The following KAZN variants were observed in gnomAD, a reference collection of about 807,000 sequenced individuals.
KAZN encodes kazrin, periplakin interacting protein, also known as kazrin.
Under a neutral mutation model 87.4 loss-of-function variants are expected in KAZN, and 40 were observed. The observed-to-expected ratio is 0.46, with a 90% CI of 0.36 to 0.60. The LOEUF (loss-of-function observed/expected upper bound fraction) is 0.60, where lower values mean the gene tolerates loss of function less well. Ranked by LOEUF, KAZN falls within the 20% of genes least tolerant of loss-of-function variation. KAZN has a pLI of 0.00. For synonymous variants in KAZN, 466 were observed against 458.3 expected, an observed-to-expected ratio of 1.02 and a Z score of -0.22; for missense variants, 898 against 1,073.9, an observed-to-expected ratio of 0.84 and a Z score of 2.29.
chr1:14,077,295 A>G (rs1468094706), intron 1 of KAZN, among the ~76,000 whole-genome samples: 2 of 152,138 alleles, frequency 1.3e-5, no homozygotes, highest in African/African-American at 4.8e-5. Context: ...CTCTCCTAAA[A>G]ATGTCTTCTG....
At chr1:14,466,968 CA>C (rs1200336536) in intron 2 of KAZN, among the ~76,000 whole-genome samples, 1 of 150,508 alleles carries the variant, frequency 6.6e-6, no homozygotes, top group African/African-American at 2.4e-5. Context: ...GACTCTGTCT[CA>C]AAAAAAAATT....
chr1:14,484,043 T>G (rs984716543), intron 2 of KAZN, among the ~76,000 whole-genome samples: 1 of 152,250 alleles, frequency 6.6e-6, no homozygotes, highest in African/African-American at 2.4e-5. Flanking sequence ...TGTACTTTCT[T>G]GGCATCTTTA....
chr1:14,357,312 G>A (rs934388476), intron 2 of KAZN, among the ~76,000 whole-genome samples: 5 of 152,166 alleles, frequency 3.3e-5, no homozygotes, highest in African/African-American at 1.2e-4. Context: ...TCAGCTTAAG[G>A]AGATTTTGGG....
At chr1:13,971,045 G>A (rs1642117947) in intron 1 of KAZN, among the ~76,000 whole-genome samples, 1 of 152,140 alleles carries the variant, frequency 6.6e-6, no homozygotes, top group Non-Finnish European at 1.5e-5. Context: ...GGTGATTTAG[G>A]CTGTGCTCAG....
intron 1 of KAZN, among the ~76,000 whole-genome samples, chr1:14,086,436 G>A (rs887849730): frequency 2.1e-4 from 32 of 152,108 alleles, no homozygotes; most frequent in Admixed American, 7.2e-4. Flanking sequence ...CCACTTATAA[G>A]TGAGACCATA....
chr1:14,572,242 C>A (rs1674915432), intron 2 of KAZN, among the ~76,000 whole-genome samples: 1 of 152,164 alleles, frequency 6.6e-6, no homozygotes, highest in East Asian at 1.9e-4. Context: ...TTGGGGGCTT[C>A]ATATTTCTTG....
rs1015542000 is a variant in KAZN, at chr1:14,727,568, T to G, written c.226+128345T>G. On this transcript the variant is annotated intron_variant, in intron 1 of 14. Coordinates refer to ENST00000376030, the MANE Select transcript of KAZN (RefSeq NM_201628.3). ...GATCTCGGCACACTGCAACCTCTGCTTCCTGGGTTCAAGCGATTCTCCTGC... is the reference window on the plus strand; with the variant it reads ...GATCTCGGCACACTGCAACCTCTGCGTCCTGGGTTCAAGCGATTCTCCTGC... 1.6e-4 allele frequency among the ~76,000 whole-genome samples: 23 copies of G among 143,642 alleles called. 1 individual carries two copies. In the East Asian group the frequency reaches 4.7e-3, roughly 30 times the overall value. 94.2% of individuals were successfully genotyped at this position (143,642 alleles called of 152,430 possible).
chr1:14,607,519 G>T (rs1314793566), intron 1 of KAZN, among the ~76,000 whole-genome samples: 1 of 152,222 alleles, frequency 6.6e-6, no homozygotes, highest in Non-Finnish European at 1.5e-5. Flanking sequence ...ATTAGGATTT[G>T]CATGTCAGAC....
intron 2 of KAZN, among the ~76,000 whole-genome samples, chr1:14,307,789 A>C (rs1655027700): frequency 6.6e-6 from 1 of 152,218 alleles, no homozygotes; most frequent in Non-Finnish European, 1.5e-5. Flanking sequence ...GTTTGATGAG[A>C]AATAGAGTGG....
intron 2 of KAZN, among the ~76,000 whole-genome samples, chr1:14,193,505 C>CT (rs1646464649): frequency 6.6e-6 from 1 of 152,118 alleles, no homozygotes; most frequent in African/African-American, 2.4e-5. Flanking sequence ...ACTTACCCTG[C>CT]TACCTTCTTG....
intron 2 of KAZN, among the ~76,000 whole-genome samples, chr1:14,418,718 T>TG (rs1238763162): frequency 3.3e-5 from 5 of 152,212 alleles, no homozygotes; most frequent in Non-Finnish European, 7.3e-5. Context: ...GTCTATGATC[T>TG]GATCTCTCAA....
intron 2 of KAZN, among the ~76,000 whole-genome samples, chr1:14,432,415 C>T (rs900465706): frequency 2.0e-5 from 3 of 152,212 alleles, no homozygotes; most frequent in Admixed American, 6.5e-5. Context: ...CACCCAGTCT[C>T]ACGAGCTTGT....
chr1:14,979,785 A>C (rs1377865759), intron 2 of KAZN, among the ~76,000 whole-genome samples: 1 of 152,180 alleles, frequency 6.6e-6, no homozygotes, highest in East Asian at 1.9e-4. Context: ...GTGTGTCCCC[A>C]CTGGTATTAC....
At chr1:14,892,772 C>T (rs991942366) in intron 1 of KAZN, among the ~76,000 whole-genome samples, 2 of 152,156 alleles carry the variant, frequency 1.3e-5, no homozygotes, top group Admixed American at 1.3e-4. Context: ...GTGGGGGCCT[C>T]CTGCAGGCTC....
At chr1:14,411,164 G>A (rs1287286197) in intron 2 of KAZN, among the ~76,000 whole-genome samples, 2 of 152,214 alleles carry the variant, frequency 1.3e-5, no homozygotes, top group Non-Finnish European at 2.9e-5. Context: ...AGAGGGCAAT[G>A]ACCAGAATGA....
chr1:14,148,493 T>A (rs1036728884), intron 1 of KAZN, among the ~76,000 whole-genome samples: 3 of 152,244 alleles, frequency 2.0e-5, no homozygotes, highest in Admixed American at 1.3e-4. Context: ...ATTCTCTGAC[T>A]GTTCCATTGC....
At chr1:14,076,263 AGAGC>A in intron 1 of KAZN, among the ~76,000 whole-genome samples, 1 of 152,074 alleles carries the variant, frequency 6.6e-6, no homozygotes, top group Non-Finnish European at 1.5e-5. Context: ...CCTGGGTGAC[AGAGC>A]GAGACTCCGT....
At chr1:14,722,691 G>T (rs1013757051) in intron 1 of KAZN, among the ~76,000 whole-genome samples, 1 of 152,116 alleles carries the variant, frequency 6.6e-6, no homozygotes, top group Non-Finnish European at 1.5e-5. Flanking sequence ...GAAGTCAGCA[G>T]CCCAGTAAAA....
chr1:14,372,113 T>G (rs6429654), intron 2 of KAZN, among the ~76,000 whole-genome samples: 139,641 of 152,218 alleles, frequency 0.92, 64,314 homozygotes, highest in Middle Eastern at 0.97. Flanking sequence ...TAAAAGGAAT[T>G]TTTCTGTATC....
Sources: gnomAD v4.1 joint callset for allele counts (sites outside exome capture counted in the v4.1 genomes callset) on GRCh38, gnomAD v4.1.1 for gene constraint, MANE v1.5 for transcripts, NCBI Gene and HGNC (gene_info 2026-07-23, HGNC 2026-07-21) for gene names.